ARB2A: variants seen among roughly 807,000 people sequenced by gnomAD.
The protein encoded by ARB2A is ARB2 cotranscriptional regulator A.
the ARB2A span, among the ~76,000 whole-genome samples, chr5:93,974,079 A>G: frequency 6.6e-6 from 1 of 152,152 alleles, no homozygotes; most frequent in African/African-American, 2.4e-5. Flanking sequence ...CAATGTATAC[A>G]CTCCACTTAA....
chr5:93,997,998 TAC>T, the ARB2A span, among the ~76,000 whole-genome samples: 70 of 149,722 alleles, frequency 4.7e-4, no homozygotes, highest in East Asian at 7.8e-3. Flanking sequence ...TGTGTGTCTA[TAC>T]ACACACACAC....
At chr5:94,044,845 T>G in the ARB2A span, among the ~76,000 whole-genome samples, 1 of 151,936 alleles carries the variant, frequency 6.6e-6, no homozygotes, top group African/African-American at 2.4e-5. Context: ...ACCATGACAG[T>G]TTACCAATGC....
chr5:93,936,741 T>TG, the ARB2A span, among the ~76,000 whole-genome samples: 1 of 152,148 alleles, frequency 6.6e-6, no homozygotes, highest in Non-Finnish European at 1.5e-5. Context: ...ATTCTACCTA[T>TG]GCCTTCTGTT....
the ARB2A span, among the ~76,000 whole-genome samples, chr5:93,816,789 C>G: frequency 6.6e-6 from 1 of 152,112 alleles, no homozygotes; most frequent in Non-Finnish European, 1.5e-5. Context: ...AAGGAGCACA[C>G]TAGGTTCTTA....
chr5:94,019,718 T>C, the ARB2A span, among the ~76,000 whole-genome samples: 1 of 152,208 alleles, frequency 6.6e-6, no homozygotes, highest in Non-Finnish European at 1.5e-5. Context: ...TGGAAGACAG[T>C]GTGGCAATTC....
At chr5:93,881,669 AC>A in the ARB2A span, 8 of 1,575,260 alleles carry the variant, frequency 5.1e-6, no homozygotes, top group African/African-American at 1.4e-5. Flanking sequence ...GGGATTTAGT[AC>A]TATTACTCCA....
chr5:93,965,316 G>A, the ARB2A span, among the ~76,000 whole-genome samples: 1 of 151,926 alleles, frequency 6.6e-6, no homozygotes, highest in Non-Finnish European at 1.5e-5. Context: ...GTTTACAACA[G>A]TAAGAAAATG....
the ARB2A span, among the ~76,000 whole-genome samples, chr5:93,850,508 G>A: frequency 6.6e-6 from 1 of 152,144 alleles, no homozygotes. Context: ...GGGGGCCCGT[G>A]CACACTGGAG....
chr5:93,666,384 C>T, the ARB2A span, among the ~76,000 whole-genome samples: 1 of 151,916 alleles, frequency 6.6e-6, no homozygotes, highest in Non-Finnish European at 1.5e-5. Context: ...AAACTGGGTA[C>T]ACATTTTATG....
the ARB2A span, among the ~76,000 whole-genome samples, chr5:93,859,467 T>A: frequency 6.6e-6 from 1 of 152,216 alleles, no homozygotes; most frequent in African/African-American, 2.4e-5. Flanking sequence ...GGTAAGGACT[T>A]TTTAAATAAT....
chr5:93,632,830 C>T, the ARB2A span, among the ~76,000 whole-genome samples: 1 of 152,084 alleles, frequency 6.6e-6, no homozygotes, highest in African/African-American at 2.4e-5. Context: ...CCTAGTAAAA[C>T]AATATTTGAA....
At chr5:93,625,571 C>A in the ARB2A span, among the ~76,000 whole-genome samples, 1 of 152,100 alleles carries the variant, frequency 6.6e-6, no homozygotes, top group Non-Finnish European at 1.5e-5. Flanking sequence ...AATGAAAATA[C>A]TACCCTGAAT....
chr5:93,960,097 A>G, the ARB2A span, among the ~76,000 whole-genome samples: 2 of 123,622 alleles, frequency 1.6e-5, no homozygotes, highest in East Asian at 2.3e-4. Flanking sequence ...CCCCCCCCCA[A>G]AAAAAGCCCT....
At chr5:93,767,072 G>A in the ARB2A span, among the ~76,000 whole-genome samples, 2 of 151,736 alleles carry the variant, frequency 1.3e-5, no homozygotes, top group African/African-American at 4.8e-5. Context: ...ATAGCATTTG[G>A]AGATATATCT....
At chr5:93,692,026 C>T in the ARB2A span, among the ~76,000 whole-genome samples, 2 of 152,134 alleles carry the variant, frequency 1.3e-5, no homozygotes, top group African/African-American at 4.8e-5. Context: ...CTGAAGGAAG[C>T]ACTAAATATG....
the ARB2A span, among the ~76,000 whole-genome samples, chr5:93,814,617 C>T: frequency 6.6e-6 from 1 of 152,138 alleles, no homozygotes; most frequent in South Asian, 2.1e-4. Context: ...GCTATTATCC[C>T]ACTTCACAAA....
At chr5:93,631,785 G>C in the ARB2A span, among the ~76,000 whole-genome samples, 374 of 151,386 alleles carry the variant, frequency 2.5e-3, 6 homozygotes, top group East Asian at 0.053. Context: ...AGACAGAGAG[G>C]GGGGAGGGGG....
chr5:94,014,848 C>A, the ARB2A span, among the ~76,000 whole-genome samples: 5 of 148,588 alleles, frequency 3.4e-5, no homozygotes, highest in African/African-American at 1.2e-4. Context: ...TACACAGTCA[C>A]AGGAGGGAAG....
chr5:93,854,776 G>T, the ARB2A span, among the ~76,000 whole-genome samples: 1 of 152,162 alleles, frequency 6.6e-6, no homozygotes, highest in Admixed American at 6.5e-5. Context: ...TTTTGAGTGA[G>T]TTTCTTAATC....
Sources: gnomAD v4.1 joint callset for allele counts (sites outside exome capture counted in the v4.1 genomes callset) on GRCh38, gnomAD v4.1.1 for gene constraint, MANE v1.5 for transcripts, NCBI Gene and HGNC (gene_info 2026-07-23, HGNC 2026-07-21) for gene names.